The following CHTOP variants were observed in gnomAD, a reference collection of about 807,000 sequenced individuals.
CHTOP encodes chromatin target of PRMT1 protein.
In CHTOP, 18 loss-of-function variants were observed where a neutral mutation model predicts 33.6. The observed-to-expected ratio is 0.54, with a 90% CI of 0.37 to 0.80. The LOEUF is 0.80. Ranked by LOEUF, CHTOP falls within the 30% of genes least tolerant of loss-of-function variation. CHTOP has a pLI of 0.00. For synonymous variants in CHTOP, 117 were observed against 127.7 expected (o/e 0.92, Z 0.56); for missense variants, 263 against 336.8 (o/e 0.78, Z 1.71).
intron 3 of CHTOP, 40 bp downstream of exon 3, chr1:153,638,488 A>G (rs376792332): frequency 1.9e-6 from 3 of 1,613,082 alleles, no homozygotes; most frequent in Non-Finnish European, 2.5e-6. Context: ...GCAGCTGGTG[A>G]TCTCTGTGAG....
chr1:153,635,693 C>CGTGCCT (rs1668357757), intron 1 of CHTOP, among the ~76,000 whole-genome samples: 1 of 151,866 alleles, frequency 6.6e-6, no homozygotes, highest in South Asian at 2.1e-4. Flanking sequence ...CATGGTGGCA[C>CGTGCCT]GTGCCTGTAG....
intron 3 of CHTOP, 69 bp downstream of exon 3, chr1:153,638,517 C>T: frequency 6.4e-7 from 1 of 1,572,910 alleles, no homozygotes; most frequent in Non-Finnish European, 8.7e-7. Context: ...CTGAGGCTGT[C>T]AGGACGTGAT....
intron 1 of CHTOP, among the ~76,000 whole-genome samples, chr1:153,634,771 C>T (rs1275730560): frequency 1.3e-5 from 2 of 151,860 alleles, no homozygotes; most frequent in South Asian, 2.1e-4. Flanking sequence ...TTGTTAAAGT[C>T]CCTACTTGAT....
chr1:153,641,886 G>A (rs979279022), intron 3 of CHTOP, among the ~76,000 whole-genome samples: 4 of 152,210 alleles, frequency 2.6e-5, no homozygotes, highest in African/African-American at 9.7e-5. Flanking sequence ...TCAACCTGTA[G>A]TTCAAAAGCA....
At chr1:153,639,504 T>A in intron 3 of CHTOP, 1 of 504,946 alleles carries the variant, frequency 2.0e-6, no homozygotes, top group Non-Finnish European at 2.6e-6. Context: ...CAGTTAAATA[T>A]AACACCCTTA....
chr1:153,643,149 C>T (rs1668687910), intron 4 of CHTOP, 78 bp from the exon 5 acceptor site: 4 of 1,565,762 alleles, frequency 2.6e-6, no homozygotes, highest in Non-Finnish European at 3.5e-6. Context: ...ATTTAACCCT[C>T]ACCGCCTTCC....
chr1:153,635,514 C>G (rs972144141), intron 1 of CHTOP, among the ~76,000 whole-genome samples: 1 of 151,758 alleles, frequency 6.6e-6, no homozygotes, highest in African/African-American at 2.4e-5. Context: ...TTGAAAATGA[C>G]TGCTCTAGAG....
rs1258524781 is a variant in CHTOP at position 153,646,236 on chromosome 1, C to G, written c.*967C>G. 1 of 152,218 alleles carries G rather than the reference C, an allele frequency of 6.6e-6. No homozygotes were observed. The highest frequency in any genetic ancestry group is 6.5e-5 in the Admixed American group (1 of 15,278). The allele number at this position is 152,218 out of a possible 1,614,324, so 9.4% of individuals were successfully genotyped here. Reference sequence around the variant, plus strand: ...TTGAAGGTTTAAGTTCAACCATATTCTGTCAACTGTTCAGTTTCAGTGGAA... The same window carrying G: ...TTGAAGGTTTAAGTTCAACCATATTGTGTCAACTGTTCAGTTTCAGTGGAA... On this transcript the variant is annotated 3_prime_UTR_variant, in exon 6 of 6. Transcript: ENST00000368694.
At chr1:153,643,128 G>GA in intron 4 of CHTOP, 99 bp from the exon 5 acceptor site, 1 of 1,454,962 alleles carries the variant, frequency 6.9e-7, no homozygotes, top group Non-Finnish European at 9.6e-7. Context: ...AAAACTAACT[G>GA]AATTACCTTC....
At chr1:153,635,776 C>G (rs1668361551) in intron 1 of CHTOP, among the ~76,000 whole-genome samples, 1 of 151,272 alleles carries the variant, frequency 6.6e-6, no homozygotes, top group South Asian at 2.1e-4. Context: ...GAACTGAGAT[C>G]ACGCCTCTGC....
intron 1 of CHTOP, among the ~76,000 whole-genome samples, chr1:153,634,887 C>T (rs1365729880): frequency 1.3e-5 from 2 of 150,124 alleles, no homozygotes; most frequent in Non-Finnish European, 3.0e-5. Context: ...GAGTTTCGCT[C>T]TTGTTGCCCA....
chr1:153,635,481 G>T (rs917276369), intron 1 of CHTOP, among the ~76,000 whole-genome samples: 2 of 151,662 alleles, frequency 1.3e-5, no homozygotes, highest in Non-Finnish European at 2.9e-5. Context: ...AAAGCTCCTT[G>T]GATAAGTCAT....
chr1:153,638,502 G>A (rs974385636), intron 3 of CHTOP, 54 bp downstream of exon 3: 3 of 1,596,950 alleles, frequency 1.9e-6, no homozygotes, highest in Non-Finnish European at 2.6e-6. Context: ...CTGTGAGGGA[G>A]TCCACTGAGG....
intron 2 of CHTOP, 144 bp downstream of exon 2, chr1:153,636,797 A>G (rs576323832): frequency 3.1e-6 from 2 of 646,640 alleles, no homozygotes; most frequent in East Asian, 2.8e-5. Flanking sequence ...CTCATGTGGT[A>G]CACAAAACAA....
intron 1 of CHTOP, among the ~76,000 whole-genome samples, chr1:153,634,843 C>CATATATATATGTATATATATACATACAT (rs1668279920): frequency 7.5e-6 from 1 of 132,514 alleles, no homozygotes; most frequent in Non-Finnish European, 1.5e-5. Context: ...TATATACATA[C>CATATATATATGTATATATATACATACAT]ATATATATAT....
chr1:153,640,851 G>C (rs1668596093), intron 3 of CHTOP, among the ~76,000 whole-genome samples: 2 of 152,180 alleles, frequency 1.3e-5, no homozygotes, highest in Admixed American at 1.3e-4. Flanking sequence ...AAACTAAGTG[G>C]TATAGTTGAC....
Position 153,642,352 on chromosome 1 carries a change from A to G in CHTOP, c.326A>G (p.Gln109Arg). 6.2e-7 allele frequency: 1 copy of G among 1,614,170 alleles called. No individual in the cohort carries two copies. Among genetic ancestry groups the G allele is most frequent in the Non-Finnish European group, 8.5e-7 (1 of 1,180,014 alleles). The change falls in exon 4 of 6, where the codon CAG becomes CGG. Residue 109 changes from glutamine (Q) to arginine (R), a missense_variant. Physicochemically the swap from Gln to Arg is conservative, Grantham distance 43. Transcript: ENST00000368694. ...GGAGGACGAGGCCTACCCATAATCC[A>G]GAGAGGCTTGCCCAGAGGAGGACTA... ...AIGGRGLPII[Q>R]RGLPRGGLRG...
At chr1:153,642,190 A>T (rs967804036) in intron 3 of CHTOP, 56 bp from the exon 4 acceptor site, 3 of 1,494,362 alleles carry the variant, frequency 2.0e-6, no homozygotes, top group Non-Finnish European at 2.7e-6. Context: ...TGAGTTGCCA[A>T]ATCCTGTTGG....
chr1:153,642,157 C>A, intron 3 of CHTOP, 89 bp from the exon 4 acceptor site: 1 of 1,136,762 alleles, frequency 8.8e-7, no homozygotes, highest in Non-Finnish European at 1.3e-6. Flanking sequence ...CAGCATCTCA[C>A]TTGCTTCTTT....
Sources: gnomAD v4.1 joint callset for allele counts (sites outside exome capture counted in the v4.1 genomes callset) on GRCh38, gnomAD v4.1.1 for gene constraint, MANE v1.5 for transcripts, NCBI Gene and HGNC (gene_info 2026-07-23, HGNC 2026-07-21) for gene names.